TMEM117: variants seen among roughly 807,000 people sequenced by gnomAD.
The protein encoded by TMEM117 is transmembrane protein 117.
TMEM117 carries 27 observed loss-of-function variants against 52.4 expected under a neutral mutation model. The observed-to-expected ratio is 0.51, with a 90% confidence interval of 0.38 to 0.71. The LOEUF (loss-of-function observed/expected upper bound fraction) is 0.71. Among genes scored for constraint, TMEM117 ranks in the 30% least tolerant of loss-of-function variants. The probability of loss-of-function intolerance (pLI) is 0.00; values close to 1 mark genes in which losing one functional copy is unlikely to be tolerated. For missense variants in TMEM117, 556 were observed against 630.5 expected, an observed-to-expected ratio of 0.88 and a Z score of 1.26; for synonymous variants, 215 against 206.3, an observed-to-expected ratio of 1.04 and a Z score of -0.36.
chr12:43,821,164 G>A, the TMEM117 span, among the ~76,000 whole-genome samples: 1 of 151,254 alleles, frequency 6.6e-6, no homozygotes, highest in African/African-American at 2.4e-5. Context: ...ATTACCACTT[G>A]ATACAAATTA....
At chr12:44,149,641 A>T (rs566422839) in intron 4 of TMEM117, among the ~76,000 whole-genome samples, 1 of 152,316 alleles carries the variant, frequency 6.6e-6, no homozygotes, top group African/African-American at 2.4e-5. Context: ...TAGTTTATAC[A>T]TGTCACTATT....
At chr12:44,049,311 A>G (rs1286583514) in intron 3 of TMEM117, among the ~76,000 whole-genome samples, 1 of 152,176 alleles carries the variant, frequency 6.6e-6, no homozygotes, top group African/African-American at 2.4e-5. Context: ...AAACTAACAC[A>G]GGAACAGAAA....
chr12:44,224,513 T>TCTCCTTCTC (rs1052946890), intron 5 of TMEM117, among the ~76,000 whole-genome samples: 8 of 152,086 alleles, frequency 5.3e-5, no homozygotes, highest in East Asian at 3.9e-4. Flanking sequence ...GTCTTCTTCT[T>TCTCCTTCTC]CTCCTTCTCC....
chr12:44,078,007 G>A (rs541845184), intron 3 of TMEM117, among the ~76,000 whole-genome samples: 1 of 151,868 alleles, frequency 6.6e-6, no homozygotes, highest in Non-Finnish European at 1.5e-5. Flanking sequence ...TTTCCTACAA[G>A]CAAGTAACTC....
chr12:44,236,236 C>G (rs1949995315), intron 5 of TMEM117, among the ~76,000 whole-genome samples: 1 of 151,532 alleles, frequency 6.6e-6, no homozygotes, highest in Non-Finnish European at 1.5e-5. Flanking sequence ...TTCCACTTTT[C>G]TATCTGAGGT....
At chr12:44,123,435 T>A (rs1016827189) in intron 3 of TMEM117, among the ~76,000 whole-genome samples, 1 of 152,242 alleles carries the variant, frequency 6.6e-6, no homozygotes, top group African/African-American at 2.4e-5. Context: ...TTTGCTTTCA[T>A]TGCAATTGCT....
the TMEM117 span, among the ~76,000 whole-genome samples, chr12:43,810,020 A>G: frequency 1.3e-5 from 2 of 152,376 alleles, no homozygotes; most frequent in East Asian, 1.9e-4. Context: ...CAAGTAAAAT[A>G]TAGACTGAAG....
chr12:44,350,334 A>T (rs568205866), intron 6 of TMEM117, among the ~76,000 whole-genome samples: 2 of 152,106 alleles, frequency 1.3e-5, no homozygotes, highest in African/African-American at 4.8e-5. Context: ...AATGCATAAT[A>T]ATCATATCAT....
intron 3 of TMEM117, among the ~76,000 whole-genome samples, chr12:44,104,537 A>G (rs1474707952): frequency 6.6e-6 from 1 of 151,980 alleles, no homozygotes; most frequent in Non-Finnish European, 1.5e-5. Flanking sequence ...TGGTATTATT[A>G]TCTCCAATTT....
chr12:44,242,017 G>C lies in TMEM117; in HGVS notation c.608+30630G>C, dbSNP rs550480127. On this transcript the variant is annotated intron_variant, in intron 5 of 7. Coordinates refer to ENST00000266534, the MANE Select transcript of TMEM117 (RefSeq NM_032256.3). ...ATGTTACTTACAAAATAAGGTTGAC[G>C]TGGCTCTGTTTCTTCCTTCTTGCTC... Among the ~76,000 whole-genome samples, 21 of 151,994 alleles carry C rather than the reference G, an allele frequency of 1.4e-4. No individual in the cohort carries two copies. In the South Asian group the frequency reaches 4.3e-3, roughly 31 times the overall value.
chr12:44,147,992 A>G lies in TMEM117; in HGVS notation c.510+4368A>G, dbSNP rs192834426. On this transcript the variant is annotated intron_variant, in intron 4 of 7. Coordinates refer to ENST00000266534, the MANE Select transcript of TMEM117 (RefSeq NM_032256.3). ...TCTGTTAGCCAACACTGAAGTCATC[A>G]TAAAGCATCCTTCAACCTGAAAACC... Among the ~76,000 whole-genome samples the G allele has an allele frequency of 1.0e-3, 159 of 152,266 alleles. No individual in the cohort carries two copies. In the Middle Eastern group the frequency reaches 0.014, roughly 13 times the overall value.
intron 3 of TMEM117, among the ~76,000 whole-genome samples, chr12:44,132,062 T>A (rs1312871901): frequency 6.6e-6 from 1 of 152,122 alleles, no homozygotes; most frequent in East Asian, 1.9e-4. Flanking sequence ...GGGAAGTCTC[T>A]GTGCATGGAT....
intron 2 of TMEM117, among the ~76,000 whole-genome samples, chr12:43,899,921 T>C (rs1248430173): frequency 6.6e-6 from 1 of 152,226 alleles, no homozygotes; most frequent in Non-Finnish European, 1.5e-5. Context: ...TTATATATAT[T>C]CATTTTATTC....
At chr12:43,873,644 A>G (rs1277232349) in intron 2 of TMEM117, among the ~76,000 whole-genome samples, 1 of 151,176 alleles carries the variant, frequency 6.6e-6, no homozygotes, top group Non-Finnish European at 1.5e-5. Context: ...CTAATCTTAA[A>G]TTTTGTCTTT....
In TMEM117 at chr12:44,083,389, G is replaced by GTT. The variant is rs1160025038; in HGVS notation, c.411-60111_411-60110dup. Among the ~76,000 whole-genome samples the GTT allele has an allele frequency of 3.6e-3, 292 of 80,366 alleles. 17 individuals are homozygous for GTT. The highest frequency in any genetic ancestry group is 0.011 in the African/African-American group (193 of 17,838). The allele number at this position is 80,366 out of a possible 152,430, so 52.7% of individuals were successfully genotyped here. A position where few individuals can be genotyped will look rare whatever the true frequency, so the allele number is the denominator to read the frequency against. On this transcript the variant is annotated intron_variant, in intron 3 of 7. Coordinates refer to ENST00000266534, the MANE Select transcript of TMEM117 (RefSeq NM_032256.3). ...CTTAAATTTGTATTGGGTATTGTTA[G>GTT]TTTTTTTTTTTTTTTTTTTTTTTTT...
intron 3 of TMEM117, among the ~76,000 whole-genome samples, chr12:43,983,576 G>A (rs1373906390): frequency 6.7e-6 from 1 of 150,372 alleles, no homozygotes; most frequent in Non-Finnish European, 1.5e-5. Context: ...GTGTGTGTGT[G>A]TGTGTGTGTG....
intron 3 of TMEM117, among the ~76,000 whole-genome samples, chr12:43,961,279 AACAAT>A (rs1271385398): frequency 2.6e-5 from 2 of 77,056 alleles, no homozygotes. Flanking sequence ...TGTAATTAAA[AACAAT>A]AAATAATTTG....
chr12:43,798,454 T>A, the TMEM117 span: 3 of 1,045,990 alleles, frequency 2.9e-6, no homozygotes, highest in South Asian at 5.1e-5. Context: ...ATTCGCAGTG[T>A]TGCAACAGAA....
chr12:43,952,266 G>A (rs987026653), intron 3 of TMEM117, among the ~76,000 whole-genome samples: 4 of 152,076 alleles, frequency 2.6e-5, no homozygotes, highest in South Asian at 2.1e-4. Flanking sequence ...TCCAGCAACA[G>A]CACAGAACAG....
Sources: allele counts gnomAD v4.1 joint callset (sites outside exome capture counted in the v4.1 genomes callset), GRCh38; gene constraint gnomAD v4.1.1; transcripts MANE v1.5; gene names NCBI Gene and HGNC (gene_info 2026-07-23, HGNC 2026-07-21).